Variants in TAS1R2 observed in about 807,000 individuals in gnomAD.
TAS1R2 encodes taste receptor type 1 member 2.
Under a neutral mutation model 49.3 loss-of-function variants are expected in TAS1R2, and 47 were observed. That is an observed-to-expected ratio of 0.95 (90% CI 0.75 to 1.22). The LOEUF (loss-of-function observed/expected upper bound fraction) is 1.22, where lower values mean the gene tolerates loss of function less well. Among genes scored for constraint, TAS1R2 ranks in the 50% most tolerant of loss-of-function variants. The pLI, the probability that TAS1R2 is intolerant of heterozygous loss-of-function variation, is 0.00. For synonymous variants in TAS1R2, 479 were observed against 467.9 expected (o/e 1.02, Z -0.31); for missense variants, 1,155 against 1,122.1 (o/e 1.03, Z -0.42).
exon 6 of TAS1R2, chr1:18,840,214 G>A: frequency 6.2e-7 from 1 of 1,614,112 alleles, no homozygotes; most frequent in Non-Finnish European, 8.5e-7. Flanking sequence ...GGGGAAAGAG[G>A]GCCTGGCGGC....
At chr1:18,843,142 G>A (rs1039456205) in intron 4 of TAS1R2, among the ~76,000 whole-genome samples, 4 of 152,096 alleles carry the variant, frequency 2.6e-5, no homozygotes, top group Non-Finnish European at 4.4e-5. Context: ...TTTCACTCTC[G>A]ATCTCAATGT....
intron 3 of TAS1R2, among the ~76,000 whole-genome samples, chr1:18,850,574 C>T (rs762073716): frequency 2.0e-5 from 3 of 152,256 alleles, no homozygotes; most frequent in Non-Finnish European, 2.9e-5. Flanking sequence ...ATCAGGATGG[C>T]GGAGGCCCCT....
rs1330051543 is a variant in TAS1R2 at position 18,854,265 on chromosome 1, AG to A, written c.1204del (p.Leu402SerfsTer74). The A allele has an allele frequency of 2.5e-6, 4 of 1,614,156 alleles. No individual in the cohort carries two copies. In the East Asian group the frequency reaches 8.9e-5, roughly 36 times the overall value. On this transcript the variant is annotated frameshift_variant, in exon 3 of 6. Coordinates refer to ENST00000375371, the Ensembl canonical transcript of TAS1R2. LOFTEE classifies it high-confidence loss of function. This position sits in a 1 kb window ranked among gnomAD's most constrained non-coding sequence, Gnocchi z 4.9. ...GCAGGTGCTTTTGTCACAGCCGAGG[AG>A]GCTGTGCAGGGCATGGGCCACAGCA... is the stretch of plus-strand genomic sequence containing the variant.
intron 4 of TAS1R2, among the ~76,000 whole-genome samples, chr1:18,848,222 G>T (rs1214721603): frequency 1.3e-5 from 2 of 151,964 alleles, no homozygotes; most frequent in Non-Finnish European, 2.9e-5. Flanking sequence ...TAGCTGTGTG[G>T]CCTCAGACAG....
At chr1:18,856,937 A>T (rs79368916) in intron 2 of TAS1R2, among the ~76,000 whole-genome samples, 8 of 152,232 alleles carry the variant, frequency 5.3e-5, no homozygotes, top group Non-Finnish European at 1.0e-4. Flanking sequence ...CCTGTGCAAG[A>T]TGCTTTATAA....
intron 4 of TAS1R2, among the ~76,000 whole-genome samples, chr1:18,842,610 T>C (rs548144815): frequency 6.6e-6 from 1 of 152,286 alleles, no homozygotes; most frequent in South Asian, 2.1e-4. Flanking sequence ...TACCCTTAAA[T>C]AACAATAGGT....
Position 18,854,699 on chromosome 1 carries a change from C to T in TAS1R2, c.771G>A (p.Leu257=). ...GCTGCAGCTTGTCCACAATGGTCAC[C>T]AGGCGCTGGCGCTCCTCTGACGTCA... Residue 257 remains leucine (L), a synonymous_variant, in exon 3 of 6, where the codon CTG becomes CTA. Coordinates refer to ENST00000375371, the Ensembl canonical transcript of TAS1R2. The surrounding 1 kb of genome is among the most constrained non-coding windows in gnomAD (Gnocchi z 4.9). 1 of 1,613,648 alleles carries T rather than the reference C, an allele frequency of 6.2e-7. No individual in the cohort carries two copies.
At chr1:18,849,160 A>G in intron 4 of TAS1R2, 181 bp downstream of exon 4, 1 of 674,074 alleles carries the variant, frequency 1.5e-6, no homozygotes. Context: ...CTGAACAGGC[A>G]TAGTTCCCAA....
intron 3 of TAS1R2, among the ~76,000 whole-genome samples, chr1:18,850,919 G>A (rs1934010183): frequency 6.6e-6 from 1 of 152,202 alleles, no homozygotes; most frequent in South Asian, 2.1e-4. Context: ...AAGAGGAAGA[G>A]GAGGAGTACA....
exon 2 of TAS1R2, chr1:18,857,340 G>C: frequency 6.2e-7 from 1 of 1,613,462 alleles, no homozygotes. Flanking sequence ...CCTGTGGAAG[G>C]AGAAATAGGG....
exon 6 of TAS1R2, chr1:18,839,968 A>G (rs1933785741): frequency 6.2e-7 from 1 of 1,614,012 alleles, no homozygotes; most frequent in African/African-American, 1.3e-5. Flanking sequence ...TACAGGAGAC[A>G]ATTGTGATCT....
At chr1:18,840,942 G>A (rs1039444727) in intron 5 of TAS1R2, among the ~76,000 whole-genome samples, 2 of 152,196 alleles carry the variant, frequency 1.3e-5, no homozygotes, top group South Asian at 2.1e-4. Flanking sequence ...GACCTGGGGT[G>A]GAAGGCCACA....
Position 18,846,904 on chromosome 1 carries a change from C to A in TAS1R2, c.1467+2437G>T, listed in dbSNP as rs573704210. Among the ~76,000 whole-genome samples, 12 of 152,328 alleles carry A rather than the reference C, an allele frequency of 7.9e-5. 1 individual carries two copies. Among genetic ancestry groups the A allele is most frequent in the African/African-American group, 2.9e-4 (12 of 41,578 alleles). On this transcript the variant is annotated intron_variant, in intron 4 of 5. Transcript: ENST00000375371. ...GAATGGTTTAGTACTATCCTCTTGGCACTCTCCTCCTGATTGTGAGTGAGT... is the reference window on the plus strand; with the variant it reads ...GAATGGTTTAGTACTATCCTCTTGGAACTCTCCTCCTGATTGTGAGTGAGT...
At chr1:18,846,870 A>T (rs1385704273) in intron 4 of TAS1R2, among the ~76,000 whole-genome samples, 5 of 152,182 alleles carry the variant, frequency 3.3e-5, no homozygotes, top group African/African-American at 4.8e-5. Flanking sequence ...ATGGGGATAG[A>T]GTTCTCAAGA....
At chr1:18,841,027 C>T (rs550398031) in intron 5 of TAS1R2, among the ~76,000 whole-genome samples, 176 of 152,322 alleles carry the variant, frequency 1.2e-3, no homozygotes, top group Non-Finnish European at 1.4e-3. Flanking sequence ...GAAATCATTC[C>T]ACAAACTTGT....
In TAS1R2 at chr1:18,839,956, GTTACAGGAGACAA is replaced by G; in HGVS notation, c.2150_2162del (p.Ile717ThrfsTer46). The G allele has an allele frequency of 6.2e-7, 1 of 1,614,198 alleles. No individual in the cohort carries two copies. The highest frequency in any genetic ancestry group is 8.5e-7 in the Non-Finnish European group (1 of 1,180,028). ...ACAGCAGGCTGTTGCGGTAGTTGGGGTTACAGGAGACAATTGTGATCTTGGGGTCATCGGGGTC... is the reference window on the plus strand; with the variant it reads ...ACAGCAGGCTGTTGCGGTAGTTGGGGTTGTGATCTTGGGGTCATCGGGGTC... On this transcript the variant is annotated frameshift_variant, in exon 6 of 6. Coordinates refer to ENST00000375371, the Ensembl canonical transcript of TAS1R2. LOFTEE classifies it low-confidence loss of function (END_TRUNC).
At chr1:18,840,523 T>C in exon 6 of TAS1R2, 1 of 1,614,180 alleles carries the variant, frequency 6.2e-7, no homozygotes, top group Non-Finnish European at 8.5e-7. Flanking sequence ...GGCATTCATA[T>C]TCATCTGCAA....
intron 2 of TAS1R2, among the ~76,000 whole-genome samples, chr1:18,856,045 G>A (rs1934132872): frequency 6.6e-6 from 1 of 152,068 alleles, no homozygotes; most frequent in African/African-American, 2.4e-5. Flanking sequence ...TCACACACAT[G>A]TCAGGTCACT....
chr1:18,852,513 G>T (rs75737833), intron 3 of TAS1R2, among the ~76,000 whole-genome samples: 19,626 of 152,186 alleles, frequency 0.13, 1,346 homozygotes, highest in South Asian at 0.17. Context: ...AGGGTGGGCT[G>T]GGCTCCCTGC....
Sources: gnomAD v4.1 joint callset for allele counts (sites outside exome capture counted in the v4.1 genomes callset) on GRCh38, gnomAD v4.1.1 for gene constraint, Gnocchi (gnomAD v3.1) non-coding constraint, MANE v1.5 for transcripts, NCBI Gene and HGNC (gene_info 2026-07-23, HGNC 2026-07-21) for gene names.